F8: variants seen among roughly 807,000 people sequenced by gnomAD.
F8 encodes antihemophilic factor.
F8 carries 12 observed loss-of-function variants against 140.6 expected under a neutral mutation model. The observed-to-expected ratio is 0.09, with a 90% CI of 0.05 to 0.14. F8 has a LOEUF of 0.14. Ranked by LOEUF, F8 falls within the 10% of genes least tolerant of loss-of-function variation. The pLI is 1.00. For missense variants in F8, 1,354 were observed against 1,720.7 expected (o/e 0.79, Z 3.77); for synonymous variants, 585 against 614.6 (o/e 0.95, Z 0.71).
intron 13 of F8, among the ~76,000 whole-genome samples, chrX:154,945,508 A>G (rs781907427): frequency 1.8e-5 from 2 of 112,375 alleles, no homozygotes; most frequent in Admixed American, 1.9e-4. Context: ...AAAACAAATG[A>G]TCATTTCAAT....
intron 25 of F8, among the ~76,000 whole-genome samples, chrX:154,849,478 T>TTA (rs34384363): frequency 1.9e-4 from 20 of 106,326 alleles, no homozygotes; most frequent in African/African-American, 6.5e-4. Flanking sequence ...TTTTTTTTTT[T>TTA]AAAGAGACAA....
intron 22 of F8, among the ~76,000 whole-genome samples, chrX:154,866,783 A>G (rs1399008175): frequency 1.8e-5 from 2 of 110,555 alleles, no homozygotes; most frequent in Non-Finnish European, 1.9e-5. Context: ...TATCACCTCC[A>G]GGAACTACAA....
chrX:154,965,888 C>T, intron 9 of F8, 82 bp downstream of exon 9: 1 of 943,584 alleles, frequency 1.1e-6, no homozygotes, highest in Non-Finnish European at 1.5e-6. Context: ...GGAGACAAGG[C>T]TGAATTATGA....
In F8 at chrX:154,924,156, T is replaced by A. The variant is rs186097149; in HGVS notation, c.5219+4415A>T. On this transcript the variant is annotated intron_variant, in intron 14 of 25. Transcript: ENST00000360256. ...TAAATTTCCCAGTCTCAGGTATATC[T>A]TTATCAGCAGTGTGAGAACAGACTA... 4.5e-5 allele frequency among the ~76,000 whole-genome samples: 5 copies of A among 111,650 alleles called. No individual in the cohort carries two copies. In the East Asian group the frequency reaches 1.4e-3, roughly 31 times the overall value.
intron 22 of F8, among the ~76,000 whole-genome samples, chrX:154,894,156 T>G (rs1420903241): frequency 1.1e-5 from 1 of 93,051 alleles, no homozygotes. Flanking sequence ...CTTAAATGTA[T>G]TTGATTGATG....
At chrX:154,973,943 C>T (rs1264244658) in intron 6 of F8, among the ~76,000 whole-genome samples, 2 of 110,078 alleles carry the variant, frequency 1.8e-5, no homozygotes, top group East Asian at 2.8e-4. Flanking sequence ...ACTACAGGAG[C>T]GCACCACCAT....
chrX:154,934,290 C>T (rs1013476678), intron 13 of F8, among the ~76,000 whole-genome samples: 21 of 111,542 alleles, frequency 1.9e-4, no homozygotes, highest in African/African-American at 4.6e-4. Context: ...TATCTTATAC[C>T]GCCATATCTT....
intron 12 of F8, among the ~76,000 whole-genome samples, chrX:154,952,435 G>T (rs1557280803): frequency 8.9e-6 from 1 of 112,133 alleles, no homozygotes; most frequent in East Asian, 2.8e-4. Flanking sequence ...AAGTTAAAGG[G>T]CTAAAGCTTT....
intron 22 of F8, among the ~76,000 whole-genome samples, chrX:154,877,450 G>T (rs928642499): frequency 7.2e-5 from 8 of 111,732 alleles, no homozygotes; most frequent in African/African-American, 2.6e-4. Flanking sequence ...TAATGAATGT[G>T]TGTGGCCTCT....
intron 13 of F8, among the ~76,000 whole-genome samples, chrX:154,936,020 ACAC>A (rs1569559709): frequency 4.6e-4 from 50 of 109,783 alleles, no homozygotes; most frequent in African/African-American, 1.6e-3. Context: ...ACACACACAC[ACAC>A]AAAAATCAAA....
chrX:155,003,402 T>C (rs782672564), intron 1 of F8, among the ~76,000 whole-genome samples: 3 of 95,254 alleles, frequency 3.1e-5, no homozygotes, highest in African/African-American at 7.9e-5. Flanking sequence ...CAATCAAAAC[T>C]GAAAAGCAAA....
Position 154,929,323 on chromosome X carries a change from G to C in F8, c.4467C>G (p.Val1489=), listed in dbSNP as rs35207609. 2.2e-4 allele frequency: 266 copies of C among 1,210,377 alleles called. 1 individual carries two copies. The African/African-American group carries it at 4.2e-3, about 19-fold the overall frequency. ...GSLGTSATNS[V]TYKKVENTVL... The stretch of plus-strand genomic sequence containing the variant: ...CAGTGTTCTCAACTTTCTTGTATGT[G>C]ACTGAATTTGTGGCACTTGTCCCCA... Residue 1489 remains valine (V), a synonymous_variant, in exon 14 of 26, where the codon GTC becomes GTG. Coordinates refer to ENST00000360256, the MANE Select transcript of F8 (RefSeq NM_000132.4).
chrX:154,967,608 G>A (rs1003882263), intron 7 of F8, among the ~76,000 whole-genome samples: 2 of 111,715 alleles, frequency 1.8e-5, no homozygotes, highest in African/African-American at 6.5e-5. Flanking sequence ...ATAAGATAAA[G>A]CATTTTTTTC....
intron 12 of F8, among the ~76,000 whole-genome samples, chrX:154,951,817 T>C (rs1361417558): frequency 9.0e-6 from 1 of 111,416 alleles, no homozygotes; most frequent in African/African-American, 3.3e-5. Context: ...ACTCTTTTTC[T>C]CAATTCCAAT....
chrX:154,926,315 A>G (rs2124043306), intron 14 of F8, among the ~76,000 whole-genome samples: 1 of 112,225 alleles, frequency 8.9e-6, no homozygotes, highest in Non-Finnish European at 1.9e-5. Context: ...TGTTAATGTA[A>G]GAAAAAAAGA....
intron 12 of F8, among the ~76,000 whole-genome samples, chrX:154,953,531 C>A (rs1314659920): frequency 9.0e-6 from 1 of 111,477 alleles, no homozygotes; most frequent in Admixed American, 9.5e-5. Context: ...TATGGCAGCA[C>A]TAGAAGACTA....
At chrX:154,920,302 G>T (rs1441474971) in intron 14 of F8, 1 of 109,025 alleles carries the variant, frequency 9.2e-6, no homozygotes, top group Non-Finnish European at 1.9e-5. Flanking sequence ...GTATGCTTTG[G>T]ACCTTTTTAA....
intron 14 of F8, among the ~76,000 whole-genome samples, chrX:154,923,527 A>G (rs1363657242): frequency 1.8e-5 from 2 of 111,880 alleles, no homozygotes; most frequent in Non-Finnish European, 1.9e-5. Context: ...TCTCATGAGA[A>G]CTGATGGTTT....
At chrX:154,941,748 T>C (rs1242338844) in intron 13 of F8, among the ~76,000 whole-genome samples, 52 of 109,206 alleles carry the variant, frequency 4.8e-4, no homozygotes, top group Non-Finnish European at 8.2e-4. Flanking sequence ...TATTCCAAAA[T>C]TGACCACATA....
Sources: gnomAD v4.1 joint callset for allele counts (sites outside exome capture counted in the v4.1 genomes callset) on GRCh38, gnomAD v4.1.1 for gene constraint, MANE v1.5 for transcripts, NCBI Gene and HGNC (gene_info 2026-07-23, HGNC 2026-07-21) for gene names.